Variants in ABCB4 observed in about 807,000 individuals in gnomAD.
The protein encoded by ABCB4 is ATP binding cassette subfamily B member 4.
A neutral mutation model predicts 145.7 loss-of-function variants in ABCB4; 76 were observed. That is an observed-to-expected ratio of 0.52 (90% CI 0.43 to 0.63). ABCB4 has a LOEUF of 0.63. Ranked by LOEUF, ABCB4 falls within the 30% of genes least tolerant of loss-of-function variation. ABCB4 has a pLI of 0.00. For missense variants in ABCB4, 1,234 were observed against 1,553.1 expected, an observed-to-expected ratio of 0.79 and a Z score of 3.45; for synonymous variants, 517 against 566.8, an observed-to-expected ratio of 0.91 and a Z score of 1.25.
intron 12 of ABCB4, among the ~76,000 whole-genome samples, chr7:87,442,608 A>G (rs1319155293): frequency 6.6e-6 from 1 of 152,014 alleles, no homozygotes; most frequent in Non-Finnish European, 1.5e-5. Flanking sequence ...TGTATTCTGA[A>G]GTATAAGGGT....
At chr7:87,472,932 A>G (rs1159250228) in intron 2 of ABCB4, among the ~76,000 whole-genome samples, 1 of 152,192 alleles carries the variant, frequency 6.6e-6, no homozygotes. Flanking sequence ...AAAGATAAGT[A>G]TGCTAACAGT....
chr7:87,451,563 A>G, intron 7 of ABCB4, 60 bp downstream of exon 7: 2 of 1,589,184 alleles, frequency 1.3e-6, no homozygotes, highest in Non-Finnish European at 1.7e-6. Flanking sequence ...AGACTTCTGC[A>G]TATTAAAGAT....
intron 23 of ABCB4, 56 bp from the exon 24 acceptor site, chr7:87,409,448 T>C: frequency 6.3e-7 from 1 of 1,578,928 alleles, no homozygotes; most frequent in Non-Finnish European, 8.7e-7. Flanking sequence ...TCCATGATGT[T>C]TGAAAGTCTA....
At chr7:87,417,235 T>C in intron 21 of ABCB4, 77 bp downstream of exon 21, 1 of 1,358,742 alleles carries the variant, frequency 7.4e-7, no homozygotes, top group Non-Finnish European at 1.0e-6. Flanking sequence ...AAAGCCTGCA[T>C]ATCATGATAA....
In ABCB4 at chr7:87,408,018, T is replaced by C; in HGVS notation, c.3279+19A>G. ...ATTAAAATATAGCCTTCAATCAAGT[T>C]ATAAGGAAATGTGCTCACCACTGTC... On this transcript the variant is annotated intron_variant, in intron 25 of 27. Coordinates refer to ENST00000649586, the MANE Select transcript of ABCB4 (RefSeq NM_000443.4). 1 of 1,612,724 alleles carries C rather than the reference T, an allele frequency of 6.2e-7. No individual in the cohort carries two copies. The highest frequency in any genetic ancestry group is 8.5e-7 in the Non-Finnish European group (1 of 1,179,968).
At chr7:87,434,298 T>G (rs754743696) in intron 14 of ABCB4, among the ~76,000 whole-genome samples, 1 of 152,054 alleles carries the variant, frequency 6.6e-6, no homozygotes, top group Non-Finnish European at 1.5e-5. Context: ...GGAGTGTGCA[T>G]GTAGGTATGA....
rs1810850621 is a variant in ABCB4, at chr7:87,439,811, T to C, written c.1587A>G (p.Arg529=). 1.2e-6 allele frequency: 2 copies of C among 1,614,126 alleles called. No homozygotes were observed. The highest frequency in any genetic ancestry group is 1.1e-5 in the South Asian group (1 of 91,070). ...TCTGCCCACCACTCAGCTGGGCCCC[T>C]CTCTCTCCAACCAGGGTGTCAAATT... ...PQKFDTLVGE[R]GAQLSGGQKQ... The change falls in exon 14 of 28, where the codon AGA becomes AGG. Residue 529 remains arginine (R), a synonymous_variant. Coordinates refer to ENST00000649586, the MANE Select transcript of ABCB4 (RefSeq NM_000443.4).
intron 24 of ABCB4, 93 bp from the exon 25 acceptor site, chr7:87,408,327 G>T: frequency 8.0e-7 from 1 of 1,244,060 alleles, no homozygotes; most frequent in Non-Finnish European, 1.1e-6. Context: ...AAAGACTGTA[G>T]TAGAGAAACA....
intron 6 of ABCB4, among the ~76,000 whole-genome samples, chr7:87,452,060 G>A (rs1811771929): frequency 6.6e-6 from 1 of 152,124 alleles, no homozygotes; most frequent in African/African-American, 2.4e-5. Flanking sequence ...TTAACATTTT[G>A]AGCATAAAAA....
chr7:87,376,367 T>C, the ABCB4 span, among the ~76,000 whole-genome samples: 3 of 152,106 alleles, frequency 2.0e-5, no homozygotes, highest in Non-Finnish European at 2.9e-5. Context: ...AAGAATTATG[T>C]CACCCTTGTA....
intron 4 of ABCB4, among the ~76,000 whole-genome samples, chr7:87,459,788 C>A (rs987854611): frequency 1.3e-5 from 2 of 152,168 alleles, no homozygotes; most frequent in African/African-American, 2.4e-5. Context: ...TAATGTGAGT[C>A]ACCAAGAGAT....
chr7:87,411,825 C>T, intron 23 of ABCB4, 68 bp downstream of exon 23: 7 of 1,518,902 alleles, frequency 4.6e-6, no homozygotes, highest in Non-Finnish European at 5.4e-6. Flanking sequence ...TTTTCCTACT[C>T]TAAACTTTTG....
In ABCB4 at chr7:87,411,828, A is replaced by T. The variant is rs17149542; in HGVS notation, c.2924+65T>A. 7,732 of 1,533,482 alleles carry T rather than the reference A, an allele frequency of 5.0e-3. 290 individuals carry two copies. The African/African-American group carries it at 0.09, about 18-fold the overall frequency. The allele number at this position is 1,533,482 out of a possible 1,614,324, so 95.0% of individuals were successfully genotyped here. ...CAGGAGTCATTTTTTTCCTACTCTAAACTTTTGCATAAACCTACTAAAACC... is the reference window on the plus strand; with the variant it reads ...CAGGAGTCATTTTTTTCCTACTCTATACTTTTGCATAAACCTACTAAAACC... On this transcript the variant is annotated intron_variant, in intron 23 of 27. Transcript: ENST00000649586.
intron 13 of ABCB4, 66 bp downstream of exon 13, chr7:87,440,133 G>T: frequency 6.6e-7 from 1 of 1,526,494 alleles, no homozygotes; most frequent in Non-Finnish European, 9.1e-7. Context: ...AACCTTTGAA[G>T]AATAAACTCA....
At chr7:87,384,682 T>A in the ABCB4 span, among the ~76,000 whole-genome samples, 11 of 152,222 alleles carry the variant, frequency 7.2e-5, no homozygotes, top group African/African-American at 2.7e-4. Context: ...GGGCTGCTGA[T>A]TGTTTCCTCT....
chr7:87,428,215 T>C (rs1332312409), intron 15 of ABCB4, among the ~76,000 whole-genome samples: 1 of 152,190 alleles, frequency 6.6e-6, no homozygotes, highest in East Asian at 1.9e-4. Flanking sequence ...CAAATGAACA[T>C]TACCTGTCTC....
At chr7:87,373,867 G>A in the ABCB4 span, among the ~76,000 whole-genome samples, 1 of 152,048 alleles carries the variant, frequency 6.6e-6, no homozygotes, top group African/African-American at 2.4e-5. Context: ...GTGACGTATG[G>A]AGACGACAAT....
chr7:87,470,028 C>A (rs969745463), intron 3 of ABCB4, among the ~76,000 whole-genome samples: 1 of 152,090 alleles, frequency 6.6e-6, no homozygotes, highest in Non-Finnish European at 1.5e-5. Context: ...GAGATATAGA[C>A]CAATGGAACA....
chr7:87,452,578 G>C (rs1424691417), intron 6 of ABCB4: 1 of 315,974 alleles, frequency 3.2e-6, no homozygotes, highest in African/African-American at 2.2e-5. Flanking sequence ...TGTTGAATAA[G>C]TGAAGAGTTG....
Sources: gnomAD v4.1 joint callset for allele counts (sites outside exome capture counted in the v4.1 genomes callset) on GRCh38, gnomAD v4.1.1 for gene constraint, MANE v1.5 for transcripts, NCBI Gene and HGNC (gene_info 2026-07-23, HGNC 2026-07-21) for gene names.